CCSER1: variants seen among roughly 807,000 people sequenced by gnomAD.
CCSER1 encodes coiled-coil serine rich protein 1.
CCSER1 carries 41 observed loss-of-function variants against 82.0 expected under a neutral mutation model. That is an observed-to-expected ratio of 0.50 (90% CI 0.39 to 0.65). The LOEUF (loss-of-function observed/expected upper bound fraction) is 0.65, where lower values mean the gene tolerates loss of function less well. Ranked by LOEUF, CCSER1 falls within the 30% of genes least tolerant of loss-of-function variation. CCSER1 has a pLI of 0.00. For missense variants in CCSER1, 1,119 were observed against 1,064.2 expected (o/e 1.05, Z -0.72); for synonymous variants, 414 against 383.9 (o/e 1.08, Z -0.92).
rs987414760 is a variant in CCSER1, at chr4:90,190,215, G to A, written c.-42+62384G>A. ...CCAGCTCTGGGTCAGATGCTAACTA[G>A]AGAAAGGAGTCCTCCCAAAAAATAA... is the stretch of plus-strand genomic sequence containing the variant. On this transcript the variant is annotated intron_variant, in intron 1 of 10. Transcript: ENST00000509176. Among the ~76,000 whole-genome samples, 6 of 152,130 alleles carry A rather than the reference G, an allele frequency of 3.9e-5. No individual in the cohort carries two copies. The East Asian group carries it at 9.7e-4, about 25-fold the overall frequency.
intron 3 of CCSER1, among the ~76,000 whole-genome samples, chr4:90,329,680 T>C (rs1397610969): frequency 5.3e-5 from 8 of 152,122 alleles, no homozygotes; most frequent in East Asian, 1.9e-4. Context: ...TTATAATCAC[T>C]TAGAAAAAAA....
At chr4:91,514,603 A>G (rs754249537) in intron 10 of CCSER1, among the ~76,000 whole-genome samples, 1 of 145,192 alleles carries the variant, frequency 6.9e-6, no homozygotes, top group Non-Finnish European at 1.5e-5. Flanking sequence ...ATCTAGGAGT[A>G]TTTGTTTTAT....
At chr4:91,511,911 T>A (rs1013536787) in intron 10 of CCSER1, among the ~76,000 whole-genome samples, 1 of 152,136 alleles carries the variant, frequency 6.6e-6, no homozygotes, top group Non-Finnish European at 1.5e-5. Flanking sequence ...AAACTCTCCT[T>A]CCCCAGTGGT....
At chr4:90,448,767 C>A (rs28431443) in intron 4 of CCSER1, among the ~76,000 whole-genome samples, 19,245 of 151,798 alleles carry the variant, frequency 0.13, 1,978 homozygotes, top group African/African-American at 0.28. Context: ...AGAGAGAAAG[C>A]GAGAAGGGCT....
At chr4:90,269,103 A>G (rs1031275796) in intron 1 of CCSER1, among the ~76,000 whole-genome samples, 10 of 152,134 alleles carry the variant, frequency 6.6e-5, no homozygotes, top group Non-Finnish European at 1.3e-4. Context: ...GGAGACTTCA[A>G]CACCCAACTT....
chr4:90,606,333 A>G (rs1784701012), intron 5 of CCSER1, among the ~76,000 whole-genome samples: 1 of 152,176 alleles, frequency 6.6e-6, no homozygotes, highest in Admixed American at 6.6e-5. Context: ...ACTACTACAC[A>G]CCTACATTAT....
At position 90,932,992 on chromosome 4, in the gene CCSER1, GAA is replaced by G. The variant is rs1491276000; in HGVS notation, c.2172+9547_2172+9548del. Among the ~76,000 whole-genome samples, 250 of 44,256 alleles carry G rather than the reference GAA, an allele frequency of 5.6e-3. 65 individuals carry two copies. Among genetic ancestry groups the G allele is most frequent in the African/African-American group, 0.031 (205 of 6,556 alleles). The allele number at this position is 44,256 out of a possible 152,430, so 29.0% of individuals were successfully genotyped here. ...AAAGAAAGAAAGAAAGAGAAAGAAA[GAA>G]AGAAAGAAAGAAAGAAAGAAAGAAA... On this transcript the variant is annotated intron_variant, in intron 9 of 10. Coordinates refer to ENST00000509176, the MANE Select transcript of CCSER1 (RefSeq NM_001145065.2).
intron 10 of CCSER1, among the ~76,000 whole-genome samples, chr4:91,262,819 C>T (rs1192542172): frequency 6.6e-6 from 1 of 151,466 alleles, no homozygotes; most frequent in Non-Finnish European, 1.5e-5. Context: ...ACATTTCGAT[C>T]TCTGTGATTT....
chr4:90,751,028 A>G (rs554230763), intron 7 of CCSER1, among the ~76,000 whole-genome samples: 1 of 152,130 alleles, frequency 6.6e-6, no homozygotes, highest in South Asian at 2.1e-4. Context: ...AACTCTGCTT[A>G]ATTTATTTCA....
intron 10 of CCSER1, among the ~76,000 whole-genome samples, chr4:91,223,270 A>G (rs1196185442): frequency 2.0e-5 from 3 of 152,162 alleles, no homozygotes; most frequent in African/African-American, 7.2e-5. Context: ...TTAGAAATCA[A>G]ATAAATTTTG....
intron 9 of CCSER1, among the ~76,000 whole-genome samples, chr4:90,989,862 G>A (rs1275170577): frequency 6.6e-6 from 1 of 151,678 alleles, no homozygotes; most frequent in Non-Finnish European, 1.5e-5. Context: ...AGAAAGAAAG[G>A]AAGAGAGGAA....
At chr4:90,867,639 C>T (rs1765909803) in intron 8 of CCSER1, among the ~76,000 whole-genome samples, 1 of 151,904 alleles carries the variant, frequency 6.6e-6, no homozygotes. Flanking sequence ...TCATATTCAT[C>T]CTATCTAAGT....
At chr4:91,282,436 A>G (rs1253073184) in intron 10 of CCSER1, among the ~76,000 whole-genome samples, 1 of 152,148 alleles carries the variant, frequency 6.6e-6, no homozygotes, top group African/African-American at 2.4e-5. Context: ...TTGGGTCTGT[A>G]CAGCAATTTT....
At chr4:90,996,795 G>A (rs1164730121) in intron 9 of CCSER1, among the ~76,000 whole-genome samples, 1 of 151,954 alleles carries the variant, frequency 6.6e-6, no homozygotes, top group Non-Finnish European at 1.5e-5. Flanking sequence ...TATTAACTCA[G>A]TATAATCCAT....
chr4:91,048,747 A>G (rs1742739852), intron 9 of CCSER1, among the ~76,000 whole-genome samples: 1 of 152,156 alleles, frequency 6.6e-6, no homozygotes, highest in Non-Finnish European at 1.5e-5. Context: ...TGGCAGTTCA[A>G]AATAAAATCA....
intron 10 of CCSER1, among the ~76,000 whole-genome samples, chr4:91,349,132 C>T (rs901227965): frequency 6.6e-6 from 1 of 152,158 alleles, no homozygotes; most frequent in Non-Finnish European, 1.5e-5. Context: ...TGGTCTTTAT[C>T]TCCTGACCTC....
At chr4:90,558,096 A>G (rs535715877) in intron 5 of CCSER1, among the ~76,000 whole-genome samples, 7 of 152,278 alleles carry the variant, frequency 4.6e-5, no homozygotes, top group South Asian at 2.1e-4. Context: ...TTTTATTTCT[A>G]TCACTGGTAT....
At chr4:90,833,059 A>G (rs773873947) in intron 8 of CCSER1, among the ~76,000 whole-genome samples, 4 of 152,210 alleles carry the variant, frequency 2.6e-5, no homozygotes, top group African/African-American at 7.2e-5. Context: ...CTGTGCGGCC[A>G]TAACGAAAGA....
At chr4:90,666,818 G>A (rs1037810506) in intron 6 of CCSER1, among the ~76,000 whole-genome samples, 2 of 152,196 alleles carry the variant, frequency 1.3e-5, no homozygotes, top group East Asian at 1.9e-4. Context: ...ATTTTGTGGG[G>A]GAGAGGAGGA....
Sources: allele counts gnomAD v4.1 joint callset (sites outside exome capture counted in the v4.1 genomes callset), GRCh38; gene constraint gnomAD v4.1.1; transcripts MANE v1.5; gene names NCBI Gene and HGNC (gene_info 2026-07-23, HGNC 2026-07-21).